AGBL4: variants seen among roughly 807,000 people sequenced by gnomAD.
The protein encoded by AGBL4 is cytosolic carboxypeptidase 6.
AGBL4 carries 58 observed loss-of-function variants against 66.4 expected under a neutral mutation model. That is an observed-to-expected ratio of 0.87 (90% CI 0.71 to 1.09). AGBL4 has a LOEUF of 1.09. AGBL4 is among the 50% of genes least tolerant of loss of function. AGBL4 has a pLI of 0.00. For synonymous variants in AGBL4, 234 were observed against 222.9 expected, an observed-to-expected ratio of 1.05 and a Z score of -0.44; for missense variants, 579 against 631.0, an observed-to-expected ratio of 0.92 and a Z score of 0.88.
intron 2 of AGBL4, among the ~76,000 whole-genome samples, chr1:49,762,603 G>A (rs1019964511): frequency 1.3e-5 from 2 of 151,848 alleles, no homozygotes; most frequent in African/African-American, 4.8e-5. Flanking sequence ...TAGTAGAGAC[G>A]GCGTTTCACC....
In AGBL4 at chr1:49,268,409, AACACACACACACACACACACACAC is replaced by A. The variant is rs66639251; in HGVS notation, c.283-22569_283-22546del. 7 of 133,008 alleles carry A rather than the reference AACACACACACACACACACACACAC, an allele frequency of 5.3e-5. No homozygotes were observed. In the East Asian group the frequency reaches 1.2e-3, roughly 23 times the overall value. 8.2% of individuals were successfully genotyped at this position (133,008 alleles called of 1,614,324 possible). ...AAATTCCTTTCCTTTTTTTTTTTTAAACACACACACACACACACACACACACACACACACACACACAAATACAAG... is the reference window on the plus strand; with the variant it reads ...AAATTCCTTTCCTTTTTTTTTTTTAAACACACACACACACACAAATACAAG... On this transcript the variant is annotated intron_variant, in intron 3 of 13. Transcript: ENST00000371839.
At chr1:48,754,839 C>G (rs1301081910) in intron 6 of AGBL4, among the ~76,000 whole-genome samples, 1 of 152,030 alleles carries the variant, frequency 6.6e-6, no homozygotes, top group Non-Finnish European at 1.5e-5. Flanking sequence ...AAAATGAAGT[C>G]TAAGAGCTAA....
chr1:48,870,991 CTG>C (rs1230915034), intron 5 of AGBL4, among the ~76,000 whole-genome samples: 2 of 152,074 alleles, frequency 1.3e-5, no homozygotes, highest in Non-Finnish European at 2.9e-5. Context: ...AATAAAAGGA[CTG>C]AAATGAAGTG....
intron 6 of AGBL4, among the ~76,000 whole-genome samples, chr1:48,806,216 T>C (rs1377284259): frequency 6.6e-6 from 1 of 152,172 alleles, no homozygotes; most frequent in Non-Finnish European, 1.5e-5. Context: ...ATGCAAATCC[T>C]TGGACTCTTA....
intron 3 of AGBL4, among the ~76,000 whole-genome samples, chr1:49,595,844 T>A (rs1644842441): frequency 6.6e-6 from 1 of 152,160 alleles, no homozygotes; most frequent in African/African-American, 2.4e-5. Flanking sequence ...CTAGCAGAAC[T>A]ACATAGCCAT....
intron 5 of AGBL4, among the ~76,000 whole-genome samples, chr1:48,879,574 C>CAT (rs970115888): frequency 2.0e-5 from 3 of 152,070 alleles, no homozygotes; most frequent in Admixed American, 6.6e-5. Flanking sequence ...AATTTTTTGA[C>CAT]ATATATATAC....
chr1:48,853,893 T>A (rs1269632885), intron 6 of AGBL4, among the ~76,000 whole-genome samples: 1 of 152,120 alleles, frequency 6.6e-6, no homozygotes, highest in Non-Finnish European at 1.5e-5. Context: ...TAGACCTCCA[T>A]CCCTGAACCA....
intron 1 of AGBL4, among the ~76,000 whole-genome samples, chr1:49,879,617 G>T (rs1647151185): frequency 6.8e-6 from 1 of 147,192 alleles, no homozygotes; most frequent in Non-Finnish European, 1.5e-5. Context: ...TGCAACTTTG[G>T]TGAATCTGAC....
chr1:49,241,306 T>C (rs1651213209), intron 4 of AGBL4, among the ~76,000 whole-genome samples: 1 of 152,060 alleles, frequency 6.6e-6, no homozygotes, highest in Admixed American at 6.6e-5. Flanking sequence ...CTCACCTCAA[T>C]AATCTCTCCA....
At chr1:48,807,773 G>A (rs1645959874) in intron 6 of AGBL4, among the ~76,000 whole-genome samples, 1 of 152,166 alleles carries the variant, frequency 6.6e-6, no homozygotes, top group South Asian at 2.1e-4. Context: ...CTTGGCAAGA[G>A]GCCCTGGCTC....
chr1:49,330,015 T>C (rs1449347454), intron 3 of AGBL4, among the ~76,000 whole-genome samples: 3 of 152,200 alleles, frequency 2.0e-5, no homozygotes, highest in African/African-American at 7.2e-5. Context: ...AATGAATCTA[T>C]GAAAAACACG....
chr1:48,646,987 T>G (rs1426429758), intron 8 of AGBL4, among the ~76,000 whole-genome samples: 2 of 152,196 alleles, frequency 1.3e-5, no homozygotes, highest in Non-Finnish European at 2.9e-5. Flanking sequence ...GGGTTCTTAT[T>G]GGCAAGAACT....
intron 1 of AGBL4, among the ~76,000 whole-genome samples, chr1:50,013,790 G>A (rs767395709): frequency 3.9e-5 from 6 of 152,128 alleles, no homozygotes; most frequent in Admixed American, 3.3e-4. Flanking sequence ...TACATGACTG[G>A]AGAAGATCTT....
chr1:48,942,311 G>T (rs1258270321), intron 5 of AGBL4, among the ~76,000 whole-genome samples: 9 of 19,958 alleles, frequency 4.5e-4, no homozygotes, highest in Admixed American at 3.6e-3. Flanking sequence ...TTATTGTGGT[G>T]GGGGGGGGGG....
intron 1 of AGBL4, among the ~76,000 whole-genome samples, chr1:49,866,426 T>C (rs1369976050): frequency 1.3e-5 from 2 of 152,100 alleles, no homozygotes; most frequent in Admixed American, 6.6e-5. Context: ...GCAGAAACCC[T>C]ATAAGCCAGA....
intron 3 of AGBL4, among the ~76,000 whole-genome samples, chr1:49,334,368 T>A (rs1329310550): frequency 2.0e-5 from 3 of 152,168 alleles, no homozygotes; most frequent in Non-Finnish European, 4.4e-5. Context: ...GATTTGACAA[T>A]TTACATCCTT....
At chr1:48,539,950 C>T (rs1358325562) in intron 11 of AGBL4, among the ~76,000 whole-genome samples, 5 of 152,054 alleles carry the variant, frequency 3.3e-5, no homozygotes, top group African/African-American at 9.7e-5. Context: ...CTGAGGTGCA[C>T]AGAAGTGAAG....
At chr1:48,642,308 G>T (rs564652453) in intron 8 of AGBL4, among the ~76,000 whole-genome samples, 2 of 152,124 alleles carry the variant, frequency 1.3e-5, no homozygotes, top group African/African-American at 4.8e-5. Flanking sequence ...GGACAAGGGC[G>T]CTCAGATCAC....
chr1:49,289,854 G>A (rs977734986), intron 3 of AGBL4, among the ~76,000 whole-genome samples: 2 of 151,750 alleles, frequency 1.3e-5, no homozygotes, highest in African/African-American at 2.4e-5. Context: ...GTAAATATAG[G>A]CAAACTCAAT....
Sources: allele counts gnomAD v4.1 joint callset (sites outside exome capture counted in the v4.1 genomes callset), GRCh38; gene constraint gnomAD v4.1.1; transcripts MANE v1.5; gene names NCBI Gene and HGNC (gene_info 2026-07-23, HGNC 2026-07-21).